Variants in STAT3 observed in about 807,000 individuals in gnomAD.
The protein encoded by STAT3 is signal transducer and activator of transcription 3.
In STAT3, 7 loss-of-function variants were observed where a neutral mutation model predicts 114.3. The ratio of observed to expected loss-of-function variants is 0.06; its 90% CI spans 0.03 to 0.11. STAT3 has a LOEUF of 0.11. STAT3 is among the 10% of genes least tolerant of loss of function. The pLI, the probability that STAT3 is intolerant of heterozygous loss-of-function variation, is 1.00. For synonymous variants in STAT3, 331 were observed against 354.5 expected, an observed-to-expected ratio of 0.93 and a Z score of 0.74; for missense variants, 364 against 960.9, an observed-to-expected ratio of 0.38 and a Z score of 8.21.
rs756935531 is a variant in STAT3 at position 42,337,838 on chromosome 17, T to A, written c.570A>T (p.Gly190=). 75 of 1,614,194 alleles carry A rather than the reference T, an allele frequency of 4.6e-5. No individual in the cohort carries two copies. Among genetic ancestry groups the A allele is most frequent in the Non-Finnish European group, 6.4e-5 (75 of 1,180,034 alleles). Residue 190 remains glycine (G), a synonymous_variant, in exon 7 of 24, where the codon GGA becomes GGT. Coordinates refer to ENST00000264657, the MANE Select transcript of STAT3 (RefSeq NM_139276.3). The surrounding 1 kb of genome is among the most constrained non-coding windows in gnomAD (Gnocchi z 4.0). The part of the protein sequence containing the change: ...KSQGDMQDLN[G]NNQSVTRQKM... Reference sequence around the variant, plus strand: ...TCTGCCTGGTCACTGACTGGTTGTTTCCATTCAGATCTTGCATGTCTGCGA... The same window carrying A: ...TCTGCCTGGTCACTGACTGGTTGTTACCATTCAGATCTTGCATGTCTGCGA...
At chr17:42,357,619 C>T (rs969585190) in intron 1 of STAT3, among the ~76,000 whole-genome samples, 1 of 152,168 alleles carries the variant, frequency 6.6e-6, no homozygotes, top group Admixed American at 6.6e-5. Context: ...TTGCAGTGAA[C>T]CAAGATGGTG....
At chr17:42,373,813 A>T (rs181296953) in intron 1 of STAT3, among the ~76,000 whole-genome samples, 264 of 150,436 alleles carry the variant, frequency 1.8e-3, no homozygotes, top group African/African-American at 5.9e-3. Flanking sequence ...TGAACCTGGG[A>T]GGCAGAGCTT....
chr17:42,325,687 C>A (rs1280235717), intron 15 of STAT3, among the ~76,000 whole-genome samples: 1 of 152,044 alleles, frequency 6.6e-6, no homozygotes, highest in Non-Finnish European at 1.5e-5. Context: ...GCCTCAGCCT[C>A]CCGAGTAGCT....
intron 1 of STAT3, among the ~76,000 whole-genome samples, chr17:42,356,539 A>AT (rs67178732): frequency 0.013 from 1,847 of 142,978 alleles, 22 homozygotes; most frequent in African/African-American, 0.024. Flanking sequence ...ATATATATAT[A>AT]TTTTTTTTTT....
intron 1 of STAT3, among the ~76,000 whole-genome samples, chr17:42,363,458 T>C (rs573087650): frequency 2.6e-5 from 4 of 152,136 alleles, no homozygotes; most frequent in Admixed American, 6.6e-5. Flanking sequence ...GACTTTCATT[T>C]TTTGAGACAG....
chr17:42,318,394 T>C (rs1598383780), intron 21 of STAT3, among the ~76,000 whole-genome samples: 1 of 152,134 alleles, frequency 6.6e-6, no homozygotes, highest in Admixed American at 6.5e-5. Context: ...CCCAAAGTGC[T>C]GGATTACAAG....
Position 42,323,053 on chromosome 17 carries a change from G to A in STAT3, c.1839C>T (p.Ser613=), listed in dbSNP as rs2144692045. 1 of 1,614,200 alleles carries A rather than the reference G, an allele frequency of 6.2e-7. No homozygotes were observed. The highest frequency in any genetic ancestry group is 8.5e-7 in the Non-Finnish European group (1 of 1,180,042). The change falls in exon 20 of 24, where the codon AGC becomes AGT. Residue 613 remains serine (S), a synonymous_variant. Coordinates refer to ENST00000264657, the MANE Select transcript of STAT3 (RefSeq NM_139276.3). ...TGAAAGTGACGCCTCCTTCTTTGCT[G>A]CTTTCACTGAATCTTAGCAGGAAGG... ...PGTFLLRFSE[S]SKEGGVTFTW...
At chr17:42,346,437 T>C in intron 3 of STAT3, 132 bp downstream of exon 3, 1 of 1,351,048 alleles carries the variant, frequency 7.4e-7, no homozygotes. Context: ...GCTAATTACT[T>C]CTCCTGTGAT....
At position 42,329,544 on chromosome 17, in the gene STAT3, T is replaced by A; in HGVS notation, c.1233+10A>T. 6.2e-7 allele frequency: 1 copy of A among 1,614,218 alleles called. No individual in the cohort carries two copies. The highest frequency in any genetic ancestry group is 8.5e-7 in the Non-Finnish European group (1 of 1,180,020). ...GAGGCCCTTTGTGAAGGGGAGCTCC[T>A]CCCACATACCAAGTGTTTGAATTCT... On this transcript the variant is annotated intron_variant, in intron 13 of 23. Transcript: ENST00000264657.
At chr17:42,330,990 C>T (rs191525626) in intron 11 of STAT3, among the ~76,000 whole-genome samples, 2 of 152,114 alleles carry the variant, frequency 1.3e-5, no homozygotes, top group South Asian at 2.1e-4. Context: ...CAATTGCCTA[C>T]GGTATTCAGC....
At chr17:42,321,114 CTTTTTTT>C (rs971943600) in intron 21 of STAT3, among the ~76,000 whole-genome samples, 22 of 110,128 alleles carry the variant, frequency 2.0e-4, no homozygotes, top group African/African-American at 7.6e-4. Context: ...ATTTCTCTCT[CTTTTTTT>C]TTTTTTTTTT....
chr17:42,344,491 T>C (rs947986864), intron 4 of STAT3, among the ~76,000 whole-genome samples: 11 of 148,106 alleles, frequency 7.4e-5, no homozygotes, highest in African/African-American at 2.8e-4. Context: ...CTGTGGCCGG[T>C]GGATCATGAA....
Position 42,315,431 on chromosome 17 carries a change from G to A in STAT3, c.*314C>T. 9.9e-6 allele frequency: 5 copies of A among 504,950 alleles called. No individual in the cohort carries two copies. In the East Asian group the frequency reaches 1.4e-4, roughly 14 times the overall value. 31.3% of individuals were successfully genotyped at this position (504,950 alleles called of 1,614,324 possible). On this transcript the variant is annotated 3_prime_UTR_variant, in exon 24 of 24. Coordinates refer to ENST00000264657, the MANE Select transcript of STAT3 (RefSeq NM_139276.3). ...TAACAAAAAGCTGCTGAGAAAGGAG[G>A]GCAGGGGAACAAAACAACACAAGAC...
intron 1 of STAT3, among the ~76,000 whole-genome samples, chr17:42,373,801 C>T (rs1390392520): frequency 6.7e-6 from 1 of 149,734 alleles, no homozygotes; most frequent in African/African-American, 2.5e-5. Flanking sequence ...AGGAGAATGG[C>T]ATGAACCTGG....
rs1269897329 is a variant in STAT3 at position 42,324,050 on chromosome 17, G to C, written c.1601-425C>G. 2.0e-5 allele frequency among the ~76,000 whole-genome samples: 3 copies of C among 152,202 alleles called. No homozygotes were observed. The highest frequency in any genetic ancestry group is 1.3e-4 in the Admixed American group (2 of 15,276). On this transcript the variant is annotated intron_variant, in intron 17 of 23. Coordinates refer to ENST00000264657, the MANE Select transcript of STAT3 (RefSeq NM_139276.3). This position sits in a 1 kb window ranked among gnomAD's most constrained non-coding sequence, Gnocchi z 4.5. ...TAAAAACTAGCCTACGCTGGGCACA[G>C]TGGCTCAAGCCTGTAATCCCAGCAC... is the stretch of plus-strand genomic sequence containing the variant.
chr17:42,339,434 A>C, intron 4 of STAT3, 25 bp from the exon 5 acceptor site: 1 of 1,609,494 alleles, frequency 6.2e-7, no homozygotes, highest in Middle Eastern at 1.7e-4. Flanking sequence ...GTCAATGCAC[A>C]TGTGAACACA....
At chr17:42,338,615 C>T in intron 6 of STAT3, 116 bp downstream of exon 6, 1 of 955,810 alleles carries the variant, frequency 1.0e-6, no homozygotes, top group Non-Finnish European at 1.7e-6. Flanking sequence ...AGGACCCGTA[C>T]CTCCCTTGCG....
chr17:42,316,537 T>TAA, intron 23 of STAT3: 2 of 1,038,394 alleles, frequency 1.9e-6, no homozygotes, highest in Non-Finnish European at 2.7e-6. Flanking sequence ...TCTGAAATGT[T>TAA]AAATTGAGAG....
chr17:42,314,904 AGTGCAGT>A lies in STAT3; in HGVS notation c.*834_*840del, dbSNP rs1276045982. ...AGTCTCAGACTGTCGCCCAGGATGG[AGTGCAGT>A]GTGCAGTGGTGCAATTTTGGCTCAC... On this transcript the variant is annotated 3_prime_UTR_variant, in exon 24 of 24. Coordinates refer to ENST00000264657, the MANE Select transcript of STAT3 (RefSeq NM_139276.3). 3 of 158,604 alleles carry A rather than the reference AGTGCAGT, an allele frequency of 1.9e-5. No individual in the cohort carries two copies. The highest frequency in any genetic ancestry group is 3.8e-5 in the Non-Finnish European group (3 of 79,572). The allele number at this position is 158,604 out of a possible 1,614,324, so 9.8% of individuals were successfully genotyped here. A position where few individuals can be genotyped will look rare whatever the true frequency, so the allele number is the denominator to read the frequency against.
Sources: gnomAD v4.1 joint callset for allele counts (sites outside exome capture counted in the v4.1 genomes callset) on GRCh38, gnomAD v4.1.1 for gene constraint, Gnocchi (gnomAD v3.1) non-coding constraint, MANE v1.5 for transcripts, NCBI Gene and HGNC (gene_info 2026-07-23, HGNC 2026-07-21) for gene names.